The following HECTD4 variants were observed in gnomAD, a reference collection of about 807,000 sequenced individuals.
HECTD4 encodes probable E3 ubiquitin-protein ligase HECTD4.
HECTD4 carries 114 observed loss-of-function variants against 471.5 expected under a neutral mutation model. The ratio of observed to expected loss-of-function variants is 0.24; its 90% CI spans 0.21 to 0.28. HECTD4 has a LOEUF of 0.28. HECTD4 is among the 10% of genes least tolerant of loss of function. The probability of loss-of-function intolerance (pLI) is 1.00; values close to 1 mark genes in which losing one functional copy is unlikely to be tolerated. For synonymous variants in HECTD4, 2,012 were observed against 2,256.0 expected, an observed-to-expected ratio of 0.89 and a Z score of 3.07; for missense variants, 3,866 against 5,651.5, an observed-to-expected ratio of 0.68 and a Z score of 10.13.
At chr12:112,170,479 T>G (rs777162381) in intron 68 of HECTD4, 27 bp from the exon 69 acceptor site, 4 of 1,611,768 alleles carry the variant, frequency 2.5e-6, no homozygotes, top group Middle Eastern at 1.7e-4. Context: ...GGGAGAGGCT[T>G]GGGTGGGGCT....
chr12:112,275,978 C>T (rs373523059), intron 9 of HECTD4, among the ~76,000 whole-genome samples: 157 of 152,332 alleles, frequency 1.0e-3, no homozygotes, highest in African/African-American at 3.6e-3. Context: ...CTACCCCACT[C>T]CACAATGAGC....
intron 1 of HECTD4, among the ~76,000 whole-genome samples, chr12:112,349,571 A>G (rs2036216792): frequency 6.6e-6 from 1 of 152,158 alleles, no homozygotes; most frequent in Non-Finnish European, 1.5e-5. Context: ...GGAAGAAGTC[A>G]GATGAAAACA....
intron 6 of HECTD4, 87 bp from the exon 7 acceptor site, chr12:112,306,321 C>A: frequency 9.1e-7 from 1 of 1,093,810 alleles, no homozygotes; most frequent in Non-Finnish European, 1.2e-6. Flanking sequence ...CCATTATGCC[C>A]AAGATGAGAA....
chr12:112,310,388 G>A (rs2035348598), intron 4 of HECTD4, among the ~76,000 whole-genome samples: 1 of 152,164 alleles, frequency 6.6e-6, no homozygotes, highest in South Asian at 2.1e-4. Flanking sequence ...ACAGCAATAT[G>A]TTTCCCCTTA....
intron 44 of HECTD4, 52 bp from the exon 45 acceptor site, chr12:112,219,541 TG>T: frequency 7.8e-7 from 1 of 1,284,252 alleles, no homozygotes; most frequent in Non-Finnish European, 1.1e-6. Context: ...AACTCCCAAG[TG>T]GGTGCTGACT....
intron 60 of HECTD4, 22 bp from the exon 61 acceptor site, chr12:112,185,515 ACAG>A: frequency 6.6e-7 from 1 of 1,509,472 alleles, no homozygotes; most frequent in Non-Finnish European, 8.9e-7. Flanking sequence ...GAAAATAGTA[ACAG>A]TAATTACTAT....
chr12:112,324,625 T>C (rs2135708577), intron 1 of HECTD4, among the ~76,000 whole-genome samples: 1 of 152,298 alleles, frequency 6.6e-6, no homozygotes, highest in Middle Eastern at 3.4e-3. Context: ...ACCACCTGCC[T>C]TGAAGCTGTT....
intron 18 of HECTD4, among the ~76,000 whole-genome samples, chr12:112,260,406 A>G (rs571687084): frequency 2.0e-5 from 3 of 152,270 alleles, no homozygotes; most frequent in Non-Finnish European, 4.4e-5. Flanking sequence ...ACTGTTCCCA[A>G]TCCCAACCTC....
At chr12:112,164,970 G>A (rs948380371) in intron 72 of HECTD4, among the ~76,000 whole-genome samples, 4 of 146,862 alleles carry the variant, frequency 2.7e-5, no homozygotes, top group African/African-American at 1.0e-4. Context: ...TCTGTCAGCT[G>A]GAGTGCAGTG....
At position 112,228,825 on chromosome 12, in the gene HECTD4, T is replaced by C. The variant is rs879239862; in HGVS notation, c.6520-14A>G. The C allele has an allele frequency of 2.5e-6, 4 of 1,612,928 alleles. No individual in the cohort carries two copies. Among genetic ancestry groups the C allele is most frequent in the South Asian group, 2.2e-5 (2 of 90,886 alleles). On this transcript the variant is annotated splice_polypyrimidine_tract_variant and intron_variant, in intron 41 of 75. Coordinates refer to ENST00000682272, the MANE Select transcript of HECTD4 (RefSeq NM_001388303.1). This position sits in a 1 kb window ranked among gnomAD's most constrained non-coding sequence, Gnocchi z 4.9. Reference sequence around the variant, plus strand: ...TCTACCTAAAACCTGGAGACAGACATAGATTAGCACTACCAACCAGCTCTG... The same window carrying C: ...TCTACCTAAAACCTGGAGACAGACACAGATTAGCACTACCAACCAGCTCTG...
intron 71 of HECTD4, 95 bp downstream of exon 71, chr12:112,167,719 G>T: frequency 1.6e-6 from 2 of 1,218,756 alleles, no homozygotes; most frequent in African/African-American, 1.5e-5. Flanking sequence ...TTCTGAAACG[G>T]TTTGGCTTTG....
chr12:112,270,975 C>A (rs945808323), intron 11 of HECTD4, among the ~76,000 whole-genome samples: 2 of 152,072 alleles, frequency 1.3e-5, no homozygotes, highest in Non-Finnish European at 2.9e-5. Context: ...TGAAAATGCC[C>A]GTTAGATAAC....
chr12:112,259,305 C>T, intron 18 of HECTD4, 40 bp from the exon 19 acceptor site: 1 of 1,604,372 alleles, frequency 6.2e-7, no homozygotes, highest in Non-Finnish European at 8.5e-7. Flanking sequence ...CTAAGCAATG[C>T]CCAAACATGT....
At position 112,162,081 on chromosome 12, in the gene HECTD4, G is replaced by T. The variant is rs1326034404; in HGVS notation, c.*306C>A. On this transcript the variant is annotated 3_prime_UTR_variant, in exon 76 of 76. Coordinates refer to ENST00000682272, the MANE Select transcript of HECTD4 (RefSeq NM_001388303.1). The surrounding 1 kb of genome is among the most constrained non-coding windows in gnomAD (Gnocchi z 5.2). ...ATGGGGAACCAGCTGGGGCCTTATG[G>T]CATTAGAATCTGGTGGCCATGAGGG... 6.8e-6 allele frequency: 2 copies of T among 295,314 alleles called. No homozygotes were observed. Among genetic ancestry groups the T allele is most frequent in the Non-Finnish European group, 1.3e-5 (2 of 155,822 alleles). The allele number at this position is 295,314 out of a possible 1,614,324, so 18.3% of individuals were successfully genotyped here. A position where few individuals can be genotyped will look rare whatever the true frequency, so the allele number is the denominator to read the frequency against.
chr12:112,260,937 G>A (rs991371166), intron 18 of HECTD4, among the ~76,000 whole-genome samples: 1 of 152,070 alleles, frequency 6.6e-6, no homozygotes, highest in African/African-American at 2.4e-5. Flanking sequence ...TGTAGCAGTT[G>A]GTAAGTCACT....
chr12:112,162,275 A>T lies in HECTD4; in HGVS notation c.*112T>A, dbSNP rs971802114. 4.5e-6 allele frequency: 6 copies of T among 1,320,182 alleles called. No homozygotes were observed. In the African/African-American group the frequency reaches 8.8e-5, roughly 19 times the overall value. 81.8% of individuals were successfully genotyped at this position (1,320,182 alleles called of 1,614,324 possible). A position where few individuals can be genotyped will look rare whatever the true frequency, so the allele number is the denominator to read the frequency against. On this transcript the variant is annotated 3_prime_UTR_variant, in exon 76 of 76. Transcript: ENST00000682272. The surrounding 1 kb of genome is among the most constrained non-coding windows in gnomAD (Gnocchi z 5.2). ...ATGTGGACGAAAGTTTGGAAAAGCA[A>T]AATGTTGCCAACTCCTCACGCAGGG...
chr12:112,271,049 T>G (rs1039651391), intron 11 of HECTD4, among the ~76,000 whole-genome samples: 1 of 152,174 alleles, frequency 6.6e-6, no homozygotes, highest in East Asian at 1.9e-4. Flanking sequence ...TAATATAAAG[T>G]GGACTTTCTT....
intron 12 of HECTD4, 26 bp downstream of exon 12, chr12:112,270,196 CATCTT>C: frequency 6.3e-7 from 1 of 1,575,502 alleles, no homozygotes; most frequent in East Asian, 2.2e-5. Context: ...TTTTCTCTAT[CATCTT>C]ATTTATTTCA....
At chr12:112,322,615 G>T (rs2035609172) in intron 1 of HECTD4, 1 of 152,392 alleles carries the variant, frequency 6.6e-6, no homozygotes, top group African/African-American at 2.4e-5. Flanking sequence ...AGCAACAACT[G>T]GTAAGAAGAT....
Sources: allele counts gnomAD v4.1 joint callset (sites outside exome capture counted in the v4.1 genomes callset), GRCh38; gene constraint gnomAD v4.1.1; non-coding constraint Gnocchi (gnomAD v3.1); transcripts MANE v1.5; gene names NCBI Gene and HGNC (gene_info 2026-07-23, HGNC 2026-07-21).